The following KSR2 variants were observed in gnomAD, a reference collection of about 807,000 sequenced individuals.
The protein encoded by KSR2 is kinase suppressor of ras 2.
Under a neutral mutation model 107.8 loss-of-function variants are expected in KSR2, and 25 were observed. The ratio of observed to expected loss-of-function variants is 0.23; its 90% CI spans 0.17 to 0.32. KSR2 has a LOEUF of 0.32. Ranked by LOEUF, KSR2 falls within the 10% of genes least tolerant of loss-of-function variation. The probability of loss-of-function intolerance (pLI) is 1.00; values close to 1 mark genes in which losing one functional copy is unlikely to be tolerated. For missense variants in KSR2, 887 were observed against 1,268.9 expected (o/e 0.70, Z 4.57); for synonymous variants, 480 against 507.0 (o/e 0.95, Z 0.71).
intron 14 of KSR2, among the ~76,000 whole-genome samples, chr12:117,498,587 C>A (rs1377014685): frequency 6.6e-6 from 1 of 152,116 alleles, no homozygotes; most frequent in African/African-American, 2.4e-5. Context: ...CTCGGGAGGG[C>A]TGTGTTTCAT....
At chr12:117,792,679 C>T (rs1890296820) in intron 3 of KSR2, among the ~76,000 whole-genome samples, 2 of 152,244 alleles carry the variant, frequency 1.3e-5, no homozygotes, top group Admixed American at 6.5e-5. Flanking sequence ...CATCCTACTC[C>T]CTTTCCCTGT....
At chr12:117,623,662 C>A (rs1200998209) in intron 5 of KSR2, among the ~76,000 whole-genome samples, 1 of 152,232 alleles carries the variant, frequency 6.6e-6, no homozygotes, top group African/African-American at 2.4e-5. Flanking sequence ...CAAGTCTTTG[C>A]TATTGTGAAT....
At chr12:117,787,926 T>A (rs1265934106) in intron 3 of KSR2, among the ~76,000 whole-genome samples, 1 of 152,240 alleles carries the variant, frequency 6.6e-6, no homozygotes, top group Admixed American at 6.5e-5. Context: ...CTCTTTGTAA[T>A]CACTCTTTGA....
intron 1 of KSR2, among the ~76,000 whole-genome samples, chr12:117,933,445 C>G (rs567126695): frequency 6.6e-6 from 1 of 152,074 alleles, no homozygotes; most frequent in Non-Finnish European, 1.5e-5. Flanking sequence ...AAAAAATTAG[C>G]CGGGTGTGGT....
intron 4 of KSR2, among the ~76,000 whole-genome samples, chr12:117,695,320 A>G (rs1261578636): frequency 2.0e-5 from 3 of 152,174 alleles, no homozygotes; most frequent in Admixed American, 1.3e-4. Context: ...TGGTTGCACA[A>G]CAATGTGAAC....
chr12:117,810,337 G>T (rs573395146), intron 3 of KSR2, among the ~76,000 whole-genome samples: 2 of 152,056 alleles, frequency 1.3e-5, no homozygotes, highest in Non-Finnish European at 2.9e-5. Flanking sequence ...TTGAGACAGG[G>T]TGTCGCTCTG....
chr12:117,842,085 G>C lies in KSR2; in HGVS notation c.472+13343C>G, dbSNP rs567097181. On this transcript the variant is annotated intron_variant, in intron 3 of 19. Transcript: ENST00000339824. The surrounding 1 kb of genome is among the most constrained non-coding windows in gnomAD (Gnocchi z 4.2). The stretch of plus-strand genomic sequence containing the variant: ...CAGCACCAGCGTCGCCTGGGAACTT[G>C]TTAATGCAGATTTCTGGGCACTGCC... 3.3e-5 allele frequency among the ~76,000 whole-genome samples: 5 copies of C among 152,364 alleles called. No homozygotes were observed. The highest frequency in any genetic ancestry group is 1.2e-4 in the African/African-American group (5 of 41,590).
intron 1 of KSR2, among the ~76,000 whole-genome samples, chr12:117,861,351 ACT>A (rs1314185199): frequency 2.7e-5 from 4 of 145,680 alleles, no homozygotes; most frequent in African/African-American, 5.1e-5. Flanking sequence ...AAATACAGAA[ACT>A]CTGTCCACAA....
intron 14 of KSR2, among the ~76,000 whole-genome samples, chr12:117,497,620 C>T (rs1592929237): frequency 6.6e-6 from 1 of 152,160 alleles, no homozygotes; most frequent in South Asian, 2.1e-4. Flanking sequence ...AGGGTACAGA[C>T]CAGGAGACTG....
intron 4 of KSR2, among the ~76,000 whole-genome samples, chr12:117,686,215 A>ATTTTTT (rs55772468): frequency 0.022 from 1,678 of 77,942 alleles, 152 homozygotes; most frequent in East Asian, 0.056. Flanking sequence ...CACCCAGCTA[A>ATTTTTT]TTTTTTTTTT....
intron 4 of KSR2, among the ~76,000 whole-genome samples, chr12:117,741,651 A>G (rs1168794710): frequency 6.6e-6 from 1 of 152,228 alleles, no homozygotes; most frequent in Non-Finnish European, 1.5e-5. Flanking sequence ...TGTGTTGCCC[A>G]GGCTGATCTT....
At chr12:117,794,848 A>ACACCT (rs1890565497) in intron 3 of KSR2, among the ~76,000 whole-genome samples, 1 of 151,432 alleles carries the variant, frequency 6.6e-6, no homozygotes, top group African/African-American at 2.4e-5. Flanking sequence ...CCTCGCTACG[A>ACACCT]CCCATCACTC....
At position 117,454,956 on chromosome 12, in the gene KSR2, A is replaced by C. The variant is rs1267292573; in HGVS notation, c.*12243T>G. 3 of 151,928 alleles carry C rather than the reference A, an allele frequency of 2.0e-5. No individual in the cohort carries two copies. Among genetic ancestry groups the C allele is most frequent in the Admixed American group, 2.0e-4 (3 of 15,258 alleles). The allele number at this position is 151,928 out of a possible 1,614,324, so 9.4% of individuals were successfully genotyped here. ...GCCCATGGACTTCAGGACCCAATGC[A>C]GGGCACTAAGAAATAGAGACACATC... On this transcript the variant is annotated 3_prime_UTR_variant, in exon 20 of 20. Coordinates refer to ENST00000339824, the MANE Select transcript of KSR2 (RefSeq NM_173598.6).
At chr12:117,614,798 A>C (rs1257780188) in intron 5 of KSR2, among the ~76,000 whole-genome samples, 1 of 152,204 alleles carries the variant, frequency 6.6e-6, no homozygotes, top group Non-Finnish European at 1.5e-5. Context: ...TTTGTTCTGG[A>C]AATGTCACCA....
intron 4 of KSR2, among the ~76,000 whole-genome samples, chr12:117,706,460 C>T (rs960131748): frequency 2.6e-5 from 4 of 152,086 alleles, no homozygotes; most frequent in Non-Finnish European, 5.9e-5. Context: ...TTCACATTCC[C>T]ATAGTGGACA....
At chr12:117,723,318 T>A (rs1159781791) in intron 4 of KSR2, among the ~76,000 whole-genome samples, 1 of 152,190 alleles carries the variant, frequency 6.6e-6, no homozygotes, top group African/African-American at 2.4e-5. Context: ...CTTTCTTCAT[T>A]TTATACTTCC....
intron 1 of KSR2, among the ~76,000 whole-genome samples, chr12:117,940,938 T>C (rs1363777555): frequency 1.3e-5 from 2 of 151,974 alleles, no homozygotes; most frequent in African/African-American, 4.8e-5. Flanking sequence ...ATACAAAAAT[T>C]AGCCGGGCAT....
At chr12:117,768,021 G>T (rs1333063088) in intron 3 of KSR2, among the ~76,000 whole-genome samples, 1 of 152,036 alleles carries the variant, frequency 6.6e-6, no homozygotes, top group African/African-American at 2.4e-5. Flanking sequence ...TGGAAGCTCT[G>T]GTCCACCACA....
chr12:117,960,388 T>C (rs1392629969), intron 1 of KSR2, among the ~76,000 whole-genome samples: 1 of 152,168 alleles, frequency 6.6e-6, no homozygotes, highest in African/African-American at 2.4e-5. Flanking sequence ...AAAGAGGACA[T>C]TAGCAAAGGT....
Sources: gnomAD v4.1 joint callset for allele counts (sites outside exome capture counted in the v4.1 genomes callset) on GRCh38, gnomAD v4.1.1 for gene constraint, Gnocchi (gnomAD v3.1) non-coding constraint, MANE v1.5 for transcripts, NCBI Gene and HGNC (gene_info 2026-07-23, HGNC 2026-07-21) for gene names.